Variants in TTLL6 observed in about 807,000 individuals in gnomAD.
TTLL6 encodes the protein tubulin polyglutamylase TTLL6.
In TTLL6, 75 loss-of-function variants were observed where a neutral mutation model predicts 96.4. The ratio of observed to expected loss-of-function variants is 0.78; its 90% confidence interval spans 0.65 to 0.94. The LOEUF is 0.94. Among genes scored for constraint, TTLL6 ranks in the 40% least tolerant of loss-of-function variants. The pLI, the probability that TTLL6 is intolerant of heterozygous loss-of-function variation, is 0.00. For missense variants in TTLL6, 1,030 were observed against 1,093.0 expected (o/e 0.94, Z 0.81); for synonymous variants, 411 against 419.4 (o/e 0.98, Z 0.24).
chr17:48,810,839 A>ATACACATATATAGTATGTGTGTGTG (rs1567738390), intron 1 of TTLL6, among the ~76,000 whole-genome samples: 3 of 132,338 alleles, frequency 2.3e-5, no homozygotes, highest in African/African-American at 8.0e-5. Context: ...ATATATATAT[A>ATACACATATATAGTATGTGTGTGTG]TATATATATA....
chr17:48,773,934 T>A (rs1387349646), intron 13 of TTLL6, among the ~76,000 whole-genome samples: 2 of 150,424 alleles, frequency 1.3e-5, no homozygotes, highest in Admixed American at 6.6e-5. Flanking sequence ...AATACAAAAT[T>A]AGCTGGGCGT....
At chr17:48,771,575 T>G (rs1289533327) in intron 13 of TTLL6, among the ~76,000 whole-genome samples, 1 of 151,718 alleles carries the variant, frequency 6.6e-6, no homozygotes, top group African/African-American at 2.4e-5. Context: ...GAGGTTATAG[T>G]GAGGTATGAT....
chr17:48,803,230 C>T (rs1038093200), intron 3 of TTLL6, among the ~76,000 whole-genome samples: 2 of 152,108 alleles, frequency 1.3e-5, no homozygotes, highest in Non-Finnish European at 2.9e-5. Flanking sequence ...CACAGTGGCT[C>T]ACACCTATAA....
chr17:48,810,113 T>C (rs1398010562), intron 1 of TTLL6, among the ~76,000 whole-genome samples: 1 of 127,086 alleles, frequency 7.9e-6, no homozygotes, highest in Admixed American at 1.0e-4. Context: ...TACTCCAGCC[T>C]GGACAACAAG....
chr17:48,813,410 T>C (rs1301795079), intron 1 of TTLL6, among the ~76,000 whole-genome samples: 1 of 151,870 alleles, frequency 6.6e-6, no homozygotes, highest in Non-Finnish European at 1.5e-5. Context: ...AATAAATAAA[T>C]AAGCCAGGTG....
rs1255847311 is a variant in TTLL6, at chr17:48,762,518, C to T, written c.*456G>A. 1.8e-5 allele frequency: 3 copies of T among 162,294 alleles called. No individual in the cohort carries two copies. Among genetic ancestry groups the T allele is most frequent in the Non-Finnish European group, 4.0e-5 (3 of 74,834 alleles). 10.1% of individuals were successfully genotyped at this position (162,294 alleles called of 1,614,324 possible). ...TCAGGGCTCAGAGTTATGCACCATG[C>T]CCATCCCTGACCTCATCTTTTATCT... On this transcript the variant is annotated 3_prime_UTR_variant, in exon 16 of 16. Coordinates refer to ENST00000393382, the MANE Select transcript of TTLL6 (RefSeq NM_001130918.3).
chr17:48,778,263 C>T lies in TTLL6; in HGVS notation c.2040+6660G>A, dbSNP rs1177984668. Among the ~76,000 whole-genome samples the T allele has an allele frequency of 3.2e-4, 43 of 136,324 alleles. 1 individual carries two copies. The highest frequency in any genetic ancestry group is 8.7e-4 in the African/African-American group (31 of 35,784). The allele number at this position is 136,324 out of a possible 152,430, so 89.4% of individuals were successfully genotyped here. A position where few individuals can be genotyped will look rare whatever the true frequency, so the allele number is the denominator to read the frequency against. ...CTGCACTCCAGCCTGGCCTACAGAG[C>T]GAGACTCCATCTCAAAAAAGAAAAA... On this transcript the variant is annotated intron_variant, in intron 13 of 15. Coordinates refer to ENST00000393382, the MANE Select transcript of TTLL6 (RefSeq NM_001130918.3).
rs1229535052 is a variant in TTLL6 at position 48,817,053 on chromosome 17, T to C, written c.20A>G (p.His7Arg). 1.4e-5 allele frequency: 22 copies of C among 1,544,324 alleles called. No individual in the cohort carries two copies. The African/African-American group carries it at 2.3e-4, about 16-fold the overall frequency. ...ACCTGCCGGCCCCCTCCTCGAAGGA[T>C]GAAGGAGTAACGCTCCCATTGGCTG... Reference protein sequence around the residue: MGALLLHPSRRGPAGVV... With the variant: MGALLLRPSRRGPAGVV... The change falls in exon 1 of 16, where the codon CAT becomes CGT. Residue 7 changes from histidine to arginine, a missense_variant. Transcript: ENST00000393382.
chr17:48,793,131 C>G (rs565445618), intron 8 of TTLL6, among the ~76,000 whole-genome samples: 23 of 152,238 alleles, frequency 1.5e-4, no homozygotes, highest in Non-Finnish European at 2.6e-4. Flanking sequence ...TGAGTTTGTG[C>G]GCCAGTGGGG....
intron 8 of TTLL6, 60 bp downstream of exon 8, chr17:48,796,001 C>A (rs2039309838): frequency 2.2e-6 from 3 of 1,392,388 alleles, no homozygotes; most frequent in South Asian, 2.5e-5. Flanking sequence ...TGGGTAGAAT[C>A]CCAGAAAGCA....
chr17:48,784,007 C>G (rs562033051), intron 13 of TTLL6, among the ~76,000 whole-genome samples: 1 of 152,186 alleles, frequency 6.6e-6, no homozygotes, highest in Non-Finnish European at 1.5e-5. Flanking sequence ...CAGAATGTGA[C>G]CTTATTTGGA....
At chr17:48,784,058 A>G (rs1204826273) in intron 13 of TTLL6, among the ~76,000 whole-genome samples, 1 of 152,156 alleles carries the variant, frequency 6.6e-6, no homozygotes, top group Non-Finnish European at 1.5e-5. Flanking sequence ...AGGTATGATT[A>G]TGAGATCACA....
At chr17:48,798,642 G>A (rs1027930942) in intron 6 of TTLL6, among the ~76,000 whole-genome samples, 1 of 152,076 alleles carries the variant, frequency 6.6e-6, no homozygotes, top group Non-Finnish European at 1.5e-5. Flanking sequence ...GGGAGGCTGA[G>A]GTGGGAGGAT....
At chr17:48,792,911 A>G (rs1383882548) in intron 8 of TTLL6, among the ~76,000 whole-genome samples, 2 of 152,190 alleles carry the variant, frequency 1.3e-5, no homozygotes, top group Non-Finnish European at 2.9e-5. Flanking sequence ...GGCAACATAT[A>G]ACATAACCTT....
At chr17:48,774,108 A>AAAAAAAAAAAAAAAAAAAAAAC (rs2038814796) in intron 13 of TTLL6, among the ~76,000 whole-genome samples, 3 of 130,534 alleles carry the variant, frequency 2.3e-5, no homozygotes, top group African/African-American at 5.9e-5. Context: ...AAAAAAAAAA[A>AAAAAAAAAAAAAAAAAAAAAAC]AAAACAAGAA....
At chr17:48,804,454 A>G in intron 2 of TTLL6, 1 of 524,326 alleles carries the variant, frequency 1.9e-6, no homozygotes, top group South Asian at 1.5e-5. Context: ...GGCGTACTAA[A>G]TTTCCAGGAC....
intron 6 of TTLL6, 131 bp from the exon 7 acceptor site, chr17:48,797,335 G>T: frequency 1.0e-6 from 1 of 973,776 alleles, no homozygotes; most frequent in Non-Finnish European, 1.5e-6. Flanking sequence ...GGCTTGTCCA[G>T]GGTCAGAGAG....
At chr17:48,804,352 T>C (rs1253790865) in intron 2 of TTLL6, 1 of 483,828 alleles carries the variant, frequency 2.1e-6, no homozygotes, top group South Asian at 1.5e-5. Flanking sequence ...TCAGTCTGAA[T>C]GGAGCAAGGC....
In TTLL6 at chr17:48,799,890, G is replaced by C. The variant is rs948889559; in HGVS notation, c.612-130C>G. On this transcript the variant is annotated intron_variant, in intron 5 of 15. Coordinates refer to ENST00000393382, the MANE Select transcript of TTLL6 (RefSeq NM_001130918.3). ...AATCCCTGGCACTGACAGATGCCCA[G>C]AGGTCCAGCAATGGGAGAGAGTAGA... is the stretch of plus-strand genomic sequence containing the variant. 4 of 802,574 alleles carry C rather than the reference G, an allele frequency of 5.0e-6. No individual in the cohort carries two copies. In the Admixed American group the frequency reaches 8.0e-5, roughly 16 times the overall value. 49.7% of individuals were successfully genotyped at this position (802,574 alleles called of 1,614,324 possible).
Sources: gnomAD v4.1 joint callset for allele counts (sites outside exome capture counted in the v4.1 genomes callset) on GRCh38, gnomAD v4.1.1 for gene constraint, MANE v1.5 for transcripts, NCBI Gene and HGNC (gene_info 2026-07-23, HGNC 2026-07-21) for gene names.